C3orf33: variants seen among roughly 807,000 people sequenced by gnomAD.
C3orf33 encodes the protein mitochondrial inner membrane subdomain organizer 1.
In C3orf33, 23 loss-of-function variants were observed where a neutral mutation model predicts 28.7. The observed-to-expected ratio is 0.80, with a 90% confidence interval of 0.58 to 1.13. C3orf33 has a LOEUF of 1.13. Ranked by LOEUF, C3orf33 falls within the 50% of genes most tolerant of loss-of-function variation. The pLI, the probability that C3orf33 is intolerant of heterozygous loss-of-function variation, is 0.00. For synonymous variants in C3orf33, 119 were observed against 120.5 expected (o/e 0.99, Z 0.08); for missense variants, 327 against 353.4 (o/e 0.93, Z 0.60).
At chr3:155,767,291 T>C (rs1409273253) in intron 4 of C3orf33, among the ~76,000 whole-genome samples, 3 of 151,866 alleles carry the variant, frequency 2.0e-5, no homozygotes, top group Non-Finnish European at 4.4e-5. Flanking sequence ...GTTTTTCTTT[T>C]TTCTTAATTT....
In C3orf33 at chr3:155,806,153, G is replaced by A. The variant is rs1577444252; in HGVS notation, c.100C>T (p.Leu34=). ...ARISQWADDH[L]RLVRNISTGM... The stretch of plus-strand genomic sequence containing the variant: ...GGCCCCAGTACCCGGACTAGGCGCA[G>A]GTGGTCGTCTGCCCACTGCGAGATC... Residue 34 remains leucine (L), a synonymous_variant, in exon 1 of 5, where the codon CTG becomes TTG. Transcript: ENST00000340171. The A allele has an allele frequency of 1.4e-6, 2 of 1,472,760 alleles. No homozygotes were observed. Among genetic ancestry groups the A allele is most frequent in the Non-Finnish European group, 9.0e-7 (1 of 1,105,618 alleles). 91.2% of individuals were successfully genotyped at this position (1,472,760 alleles called of 1,614,324 possible).
intron 1 of C3orf33, 110 bp downstream of exon 1, chr3:155,806,029 T>C (rs893106839): frequency 2.7e-6 from 2 of 731,874 alleles, no homozygotes; most frequent in African/African-American, 3.7e-5. Context: ...CGCAGTTTTC[T>C]GTCGCTCCCC....
At chr3:155,788,707 T>C (rs1751220560) in intron 2 of C3orf33, among the ~76,000 whole-genome samples, 1 of 149,934 alleles carries the variant, frequency 6.7e-6, no homozygotes. Flanking sequence ...GAAAAAACCA[T>C]AGTGAACATT....
At chr3:155,781,586 G>A (rs1173621267) in intron 2 of C3orf33, among the ~76,000 whole-genome samples, 12 of 151,382 alleles carry the variant, frequency 7.9e-5, no homozygotes, top group South Asian at 4.2e-4. Context: ...TGGCTAACAC[G>A]GTGAAACCCC....
At chr3:155,771,495 T>G (rs1364739971) in intron 3 of C3orf33, among the ~76,000 whole-genome samples, 1 of 152,152 alleles carries the variant, frequency 6.6e-6, no homozygotes, top group Non-Finnish European at 1.5e-5. Context: ...TAGGCCAGGC[T>G]GGACTCAAGC....
At chr3:155,795,182 G>A in intron 2 of C3orf33, among the ~76,000 whole-genome samples, 1 of 152,206 alleles carries the variant, frequency 6.6e-6, no homozygotes, top group East Asian at 1.9e-4. Context: ...CAAGCCGTGT[G>A]CGGTGGCTCA....
At chr3:155,785,913 A>C (rs556829682) in intron 2 of C3orf33, among the ~76,000 whole-genome samples, 3 of 152,042 alleles carry the variant, frequency 2.0e-5, no homozygotes, top group African/African-American at 7.2e-5. Flanking sequence ...GGTGGCACAC[A>C]CCTGTAGTCC....
At chr3:155,783,141 A>G (rs1201344788) in intron 2 of C3orf33, among the ~76,000 whole-genome samples, 2 of 150,926 alleles carry the variant, frequency 1.3e-5, no homozygotes, top group African/African-American at 4.9e-5. Context: ...GATAAGGGAT[A>G]CTCAACCCAT....
chr3:155,773,601 C>A (rs891322241), intron 3 of C3orf33, among the ~76,000 whole-genome samples: 1 of 152,176 alleles, frequency 6.6e-6, no homozygotes, highest in African/African-American at 2.4e-5. Context: ...TACCAAATTA[C>A]ATAAATACTT....
intron 2 of C3orf33, among the ~76,000 whole-genome samples, chr3:155,781,801 G>A (rs1398724069): frequency 6.6e-6 from 1 of 150,910 alleles, no homozygotes; most frequent in African/African-American, 2.4e-5. Context: ...TAGTGGGCCG[G>A]GTGCGGTGGC....
intron 4 of C3orf33, among the ~76,000 whole-genome samples, chr3:155,766,821 GCA>G (rs1750419511): frequency 1.3e-5 from 2 of 152,058 alleles, no homozygotes; most frequent in Non-Finnish European, 2.9e-5. Flanking sequence ...GTGGTGGTGT[GCA>G]CCTGTAGTCC....
chr3:155,780,291 T>C (rs373298655), intron 2 of C3orf33, among the ~76,000 whole-genome samples: 45 of 152,258 alleles, frequency 3.0e-4, no homozygotes, highest in African/African-American at 1.1e-3. Flanking sequence ...AAAAAATAAA[T>C]GCTGGAAGCA....
At chr3:155,764,051 G>A in intron 4 of C3orf33, 133 bp from the exon 5 acceptor site, 1 of 583,546 alleles carries the variant, frequency 1.7e-6, no homozygotes, top group Non-Finnish European at 2.6e-6. Flanking sequence ...GGTCCCCAAG[G>A]CTCCCCCAAA....
In C3orf33 at chr3:155,762,760, T is replaced by G. The variant is rs976235176; in HGVS notation, c.*757A>C. 2 of 152,160 alleles carry G rather than the reference T, an allele frequency of 1.3e-5. No individual in the cohort carries two copies. Among genetic ancestry groups the G allele is most frequent in the African/African-American group, 4.8e-5 (2 of 41,416 alleles). 9.4% of individuals were successfully genotyped at this position (152,160 alleles called of 1,614,324 possible). On this transcript the variant is annotated 3_prime_UTR_variant, in exon 5 of 5. Transcript: ENST00000340171. Reference sequence around the variant, plus strand: ...TGGGAGCTCCTGTAATCCCAGGTACTTGGGAGGCTCAGGCAGGAGAATCAC... The same window carrying G: ...TGGGAGCTCCTGTAATCCCAGGTACGTGGGAGGCTCAGGCAGGAGAATCAC...
intron 2 of C3orf33, among the ~76,000 whole-genome samples, chr3:155,778,028 T>C (rs1750800849): frequency 6.6e-6 from 1 of 150,548 alleles, no homozygotes. Flanking sequence ...TGCGTACTTG[T>C]AGTCCCAGCT....
At chr3:155,793,914 G>C (rs1751400701) in intron 2 of C3orf33, among the ~76,000 whole-genome samples, 1 of 150,944 alleles carries the variant, frequency 6.6e-6, no homozygotes, top group South Asian at 2.1e-4. Flanking sequence ...TTAAAAGTCA[G>C]AGACAAAGTA....
chr3:155,772,803 T>TGC (rs1403775763), intron 3 of C3orf33, among the ~76,000 whole-genome samples: 2 of 148,552 alleles, frequency 1.3e-5, no homozygotes, highest in African/African-American at 5.1e-5. Context: ...TGTGTGTGTG[T>TGC]GTGTGTGTGC....
intron 1 of C3orf33, among the ~76,000 whole-genome samples, 159 bp from the exon 2 acceptor site, chr3:155,802,750 T>A (rs1016611000): frequency 6.6e-6 from 1 of 152,172 alleles, no homozygotes; most frequent in Non-Finnish European, 1.5e-5. Context: ...TCAAAAACTG[T>A]CCACTCGTTC....
chr3:155,800,322 G>A (rs1474276869), intron 2 of C3orf33, among the ~76,000 whole-genome samples: 1 of 152,082 alleles, frequency 6.6e-6, no homozygotes, highest in East Asian at 1.9e-4. Context: ...TAAACACATA[G>A]GTGGGGTGCA....
Sources: allele counts gnomAD v4.1 joint callset (sites outside exome capture counted in the v4.1 genomes callset), GRCh38; gene constraint gnomAD v4.1.1; transcripts MANE v1.5; gene names NCBI Gene and HGNC (gene_info 2026-07-23, HGNC 2026-07-21).